The following SNX29 variants were observed in gnomAD, a reference collection of about 807,000 sequenced individuals.
SNX29 encodes the protein sorting nexin 29, also known as sorting nexin-29.
In SNX29, 78 loss-of-function variants were observed where a neutral mutation model predicts 102.1. The observed-to-expected ratio is 0.76, with a 90% confidence interval of 0.64 to 0.92. The LOEUF (loss-of-function observed/expected upper bound fraction) is 0.92, where lower values mean the gene tolerates loss of function less well. Ranked by LOEUF, SNX29 falls within the 40% of genes least tolerant of loss-of-function variation. The pLI, the probability that SNX29 is intolerant of heterozygous loss-of-function variation, is 0.00. For missense variants in SNX29, 1,280 were observed against 1,061.7 expected, an observed-to-expected ratio of 1.21 and a Z score of -2.86; for synonymous variants, 580 against 414.5, an observed-to-expected ratio of 1.40 and a Z score of -4.85.
intron 13 of SNX29, among the ~76,000 whole-genome samples, chr16:12,170,942 C>T (rs866965333): frequency 2.6e-5 from 4 of 151,982 alleles, no homozygotes; most frequent in Admixed American, 6.6e-5. Flanking sequence ...GATTTACTGA[C>T]GACCTGGAGC....
intron 14 of SNX29, among the ~76,000 whole-genome samples, chr16:12,225,064 C>G (rs970097627): frequency 2.0e-5 from 3 of 152,200 alleles, no homozygotes; most frequent in African/African-American, 7.2e-5. Context: ...ATCTTTCTAA[C>G]ATCTGTTATT....
At chr16:12,197,898 C>T (rs1185223855) in intron 13 of SNX29, among the ~76,000 whole-genome samples, 2 of 149,716 alleles carry the variant, frequency 1.3e-5, no homozygotes, top group African/African-American at 2.5e-5. Flanking sequence ...AAGCAAAATA[C>T]AAAGAAAGTG....
At chr16:12,538,064 A>T (rs1358179282) in intron 20 of SNX29, among the ~76,000 whole-genome samples, 3 of 151,624 alleles carry the variant, frequency 2.0e-5, no homozygotes, top group Non-Finnish European at 1.5e-5. Flanking sequence ...GATCTTGGTG[A>T]CAGCTTTCTT....
At chr16:12,080,521 T>C (rs2051812250) in intron 11 of SNX29, among the ~76,000 whole-genome samples, 1 of 152,124 alleles carries the variant, frequency 6.6e-6, no homozygotes, top group South Asian at 2.1e-4. Flanking sequence ...ACTTACCCTA[T>C]AGTTTACTTT....
chr16:12,003,873 G>A (rs1389395441), intron 3 of SNX29, among the ~76,000 whole-genome samples: 1 of 151,374 alleles, frequency 6.6e-6, no homozygotes, highest in East Asian at 1.9e-4. Context: ...TGGGTGTGGT[G>A]GTGCACACCT....
chr16:12,271,326 C>T (rs1238971107), intron 14 of SNX29, among the ~76,000 whole-genome samples: 1 of 152,182 alleles, frequency 6.6e-6, no homozygotes, highest in Admixed American at 6.5e-5. Context: ...CTCATGGGGG[C>T]TGTTGGCTGC....
At chr16:12,491,117 T>A (rs1388831323) in intron 19 of SNX29, among the ~76,000 whole-genome samples, 1 of 152,274 alleles carries the variant, frequency 6.6e-6, no homozygotes, top group Non-Finnish European at 1.5e-5. Flanking sequence ...ACTGCTACAC[T>A]TGCCGATAGT....
chr16:12,205,810 C>G (rs1340711668), intron 14 of SNX29, among the ~76,000 whole-genome samples: 1 of 152,228 alleles, frequency 6.6e-6, no homozygotes, highest in Non-Finnish European at 1.5e-5. Flanking sequence ...CACTGTACAG[C>G]CCACAAGAGC....
intron 11 of SNX29, among the ~76,000 whole-genome samples, chr16:12,079,312 G>T (rs966317498): frequency 3.3e-5 from 5 of 152,222 alleles, no homozygotes; most frequent in Admixed American, 6.5e-5. Context: ...TAATGATCAG[G>T]CTTCAACTGT....
intron 19 of SNX29, among the ~76,000 whole-genome samples, chr16:12,481,495 T>C (rs1167116479): frequency 3.5e-5 from 5 of 144,862 alleles, no homozygotes; most frequent in Non-Finnish European, 7.4e-5. Flanking sequence ...TATATACACA[T>C]ATGTACATAT....
intron 15 of SNX29, among the ~76,000 whole-genome samples, chr16:12,312,097 G>A (rs1324086045): frequency 6.6e-6 from 1 of 152,202 alleles, no homozygotes; most frequent in East Asian, 1.9e-4. Flanking sequence ...TGCAAGGGAA[G>A]CTGGGAAATG....
chr16:12,205,648 C>G (rs1054269901), intron 14 of SNX29, among the ~76,000 whole-genome samples: 1 of 152,238 alleles, frequency 6.6e-6, no homozygotes, highest in African/African-American at 2.4e-5. Flanking sequence ...ATGCCTGTCT[C>G]CATTCAGATA....
At chr16:11,992,941 C>T (rs2055910836) in intron 1 of SNX29, among the ~76,000 whole-genome samples, 1 of 151,960 alleles carries the variant, frequency 6.6e-6, no homozygotes, top group African/African-American at 2.4e-5. Flanking sequence ...GTGGGTGGAT[C>T]ACCTGAGGTC....
chr16:12,372,563 A>G (rs925720828), intron 16 of SNX29: 21 of 152,204 alleles, frequency 1.4e-4, no homozygotes, highest in Admixed American at 1.2e-3. Flanking sequence ...GGGGTGGTAG[A>G]TGGCAGGCTG....
At chr16:12,356,345 CAG>C in intron 16 of SNX29, 66 bp downstream of exon 16, 1 of 1,390,282 alleles carries the variant, frequency 7.2e-7, no homozygotes, top group Non-Finnish European at 9.9e-7. Flanking sequence ...TAGAAAAGCA[CAG>C]AGACTCACAG....
chr16:12,541,493 CTG>C (rs2077338584), intron 20 of SNX29, among the ~76,000 whole-genome samples: 1 of 152,158 alleles, frequency 6.6e-6, no homozygotes, highest in Non-Finnish European at 1.5e-5. Context: ...ACCCAGACCT[CTG>C]TGATCTGAGT....
intron 20 of SNX29, 77 bp from the exon 21 acceptor site, chr16:12,568,429 C>T: frequency 1.9e-6 from 3 of 1,576,288 alleles, no homozygotes; most frequent in East Asian, 2.2e-5. Flanking sequence ...TGCCCTCACA[C>T]CTGGCTCCCC....
chr16:12,104,392 C>G (rs2053145637), intron 11 of SNX29, among the ~76,000 whole-genome samples: 1 of 152,008 alleles, frequency 6.6e-6, no homozygotes, highest in Non-Finnish European at 1.5e-5. Context: ...CCCATCTCTA[C>G]TAAAAATACA....
chr16:12,307,128 A>G (rs1317162172), intron 15 of SNX29, among the ~76,000 whole-genome samples: 1 of 152,102 alleles, frequency 6.6e-6, no homozygotes, highest in African/African-American at 2.4e-5. Flanking sequence ...TATTTTAGCA[A>G]TGGATTTCAG....
Sources: gnomAD v4.1 joint callset for allele counts (sites outside exome capture counted in the v4.1 genomes callset) on GRCh38, gnomAD v4.1.1 for gene constraint, MANE v1.5 for transcripts, NCBI Gene and HGNC (gene_info 2026-07-23, HGNC 2026-07-21) for gene names.